Variants in STPG4 observed in about 807,000 individuals in gnomAD.
STPG4 encodes protein STPG4.
STPG4 carries 41 observed loss-of-function variants against 31.5 expected under a neutral mutation model. That is an observed-to-expected ratio of 1.30 (90% CI 1.01 to 1.69). STPG4 has a LOEUF of 1.69. Among genes scored for constraint, STPG4 ranks in the 40% most tolerant of loss-of-function variants. STPG4 has a pLI of 0.00. For synonymous variants in STPG4, 141 were observed against 103.0 expected (o/e 1.37, Z -2.24); for missense variants, 375 against 293.4 (o/e 1.28, Z -2.03).
At position 47,155,305 on chromosome 2, in the gene STPG4, G is replaced by T. The variant is rs1378898033; in HGVS notation, c.-54C>A. The T allele has an allele frequency of 1.9e-6, 3 of 1,587,222 alleles. No individual in the cohort carries two copies. The highest frequency in any genetic ancestry group is 1.3e-5 in the African/African-American group (1 of 74,376). On this transcript the variant is annotated 5_prime_UTR_variant, in exon 1 of 7. Transcript: ENST00000445927. ...CTGAGCTCCGGTTGCTAGGAGGCGG[G>T]TGTGGCCCGTGGGCTCCCGAGCGCG...
chr2:47,119,714 G>A (rs889153469), intron 5 of STPG4, among the ~76,000 whole-genome samples: 2 of 152,210 alleles, frequency 1.3e-5, no homozygotes, highest in African/African-American at 2.4e-5. Flanking sequence ...CTCACCCAGT[G>A]CAGTAAGACC....
intron 5 of STPG4, among the ~76,000 whole-genome samples, chr2:47,096,470 A>T (rs1685670517): frequency 6.6e-6 from 1 of 152,214 alleles, no homozygotes; most frequent in Non-Finnish European, 1.5e-5. Flanking sequence ...GCAAAAACAA[A>T]ATAAAAAGTG....
rs568071904 is a variant in STPG4, at chr2:47,100,124, G to T, written c.520-9750C>A. Among the ~76,000 whole-genome samples the T allele has an allele frequency of 1.6e-3, 239 of 152,248 alleles. 3 individuals are homozygous for T. Among genetic ancestry groups the T allele is most frequent in the Admixed American group, 9.3e-3 (142 of 15,304 alleles). On this transcript the variant is annotated intron_variant, in intron 5 of 6. Coordinates refer to ENST00000445927, the MANE Select transcript of STPG4 (RefSeq NM_001163561.2). ...CAAGGGCTGAGGAGTGCGGGCACAT[G>T]GTGCGGGACTGGCAGGCAGCTCCAC... is the stretch of plus-strand genomic sequence containing the variant.
chr2:47,102,001 G>A (rs1303030749), intron 5 of STPG4, among the ~76,000 whole-genome samples: 1 of 151,888 alleles, frequency 6.6e-6, no homozygotes, highest in Non-Finnish European at 1.5e-5. Context: ...GGTCTAGGAG[G>A]ACAGGCAAGG....
chr2:47,130,862 G>A (rs1321145782), intron 3 of STPG4, among the ~76,000 whole-genome samples: 2 of 151,922 alleles, frequency 1.3e-5, no homozygotes, highest in Non-Finnish European at 2.9e-5. Context: ...ATCCAGGCTG[G>A]AGAATGATAT....
intron 3 of STPG4, among the ~76,000 whole-genome samples, chr2:47,136,738 C>T (rs1573189718): frequency 6.6e-6 from 1 of 152,164 alleles, no homozygotes; most frequent in Non-Finnish European, 1.5e-5. Context: ...GAGAGAAAGG[C>T]ATGCTTTTTG....
intron 2 of STPG4, 39 bp from the exon 3 acceptor site, chr2:47,151,554 A>C (rs1340442671): frequency 6.3e-7 from 1 of 1,580,250 alleles, no homozygotes; most frequent in Admixed American, 1.7e-5. Context: ...TTGTGTAAAC[A>C]TGTAACTTCT....
intron 5 of STPG4, among the ~76,000 whole-genome samples, chr2:47,103,698 G>A: frequency 6.6e-6 from 1 of 152,092 alleles, no homozygotes; most frequent in South Asian, 2.1e-4. Context: ...GGCAATCACT[G>A]GAAGGTGCAC....
At chr2:47,154,923 A>G (rs1197360461) in intron 1 of STPG4, among the ~76,000 whole-genome samples, 1 of 152,188 alleles carries the variant, frequency 6.6e-6, no homozygotes, top group Non-Finnish European at 1.5e-5. Flanking sequence ...GGAAAAATAC[A>G]GAAAACAAAG....
chr2:47,115,173 C>T (rs1430174736), intron 5 of STPG4, among the ~76,000 whole-genome samples: 2 of 152,116 alleles, frequency 1.3e-5, no homozygotes, highest in Non-Finnish European at 2.9e-5. Flanking sequence ...TTTTCCCCAT[C>T]ATATCAGCTG....
At chr2:47,104,009 T>C (rs934386149) in intron 5 of STPG4, among the ~76,000 whole-genome samples, 12 of 152,006 alleles carry the variant, frequency 7.9e-5, no homozygotes, top group African/African-American at 2.2e-4. Flanking sequence ...ACTTTGCTCT[T>C]TTCACATGCC....
At chr2:47,102,542 G>A (rs541098938) in intron 5 of STPG4, among the ~76,000 whole-genome samples, 1 of 151,806 alleles carries the variant, frequency 6.6e-6, no homozygotes, top group Non-Finnish European at 1.5e-5. Context: ...CCTTATGTCC[G>A]AGCTTTCTTT....
intron 5 of STPG4, among the ~76,000 whole-genome samples, chr2:47,091,999 C>G (rs2103725001): frequency 6.7e-6 from 1 of 148,752 alleles, no homozygotes; most frequent in South Asian, 2.1e-4. Context: ...TCCCAAATGT[C>G]ATTAAGTCAA....
At chr2:47,106,400 T>C (rs1246142997) in intron 5 of STPG4, among the ~76,000 whole-genome samples, 1 of 151,960 alleles carries the variant, frequency 6.6e-6, no homozygotes, top group African/African-American at 2.4e-5. Flanking sequence ...CCCCTATTTA[T>C]AGGGTTAGGA....
intron 5 of STPG4, among the ~76,000 whole-genome samples, chr2:47,100,686 G>A (rs4952874): frequency 0.6 from 91,101 of 151,122 alleles, 28,765 homozygotes; most frequent in East Asian, 0.77. Flanking sequence ...CACTCACCGC[G>A]AAGGTCTGCA....
intron 3 of STPG4, among the ~76,000 whole-genome samples, chr2:47,134,252 G>C (rs1204693027): frequency 6.6e-6 from 1 of 152,112 alleles, no homozygotes; most frequent in Non-Finnish European, 1.5e-5. Flanking sequence ...CCTCACTCTT[G>C]GTGTTGTACT....
intron 5 of STPG4, among the ~76,000 whole-genome samples, chr2:47,099,892 G>A (rs1029149814): frequency 1.3e-5 from 2 of 152,166 alleles, no homozygotes; most frequent in African/African-American, 4.8e-5. Flanking sequence ...AGCTGCGGAG[G>A]GTGTACTGGG....
At chr2:47,115,975 T>C (rs1274774039) in intron 5 of STPG4, among the ~76,000 whole-genome samples, 1 of 152,174 alleles carries the variant, frequency 6.6e-6, no homozygotes, top group East Asian at 1.9e-4. Context: ...CTTACTTGCA[T>C]GGTAGAAACT....
At chr2:47,090,873 T>C (rs1271470454) in intron 5 of STPG4, among the ~76,000 whole-genome samples, 1 of 149,354 alleles carries the variant, frequency 6.7e-6, no homozygotes, top group Non-Finnish European at 1.5e-5. Context: ...GAGATAAACA[T>C]AAATAGGTGA....
Sources: allele counts gnomAD v4.1 joint callset (sites outside exome capture counted in the v4.1 genomes callset), GRCh38; gene constraint gnomAD v4.1.1; transcripts MANE v1.5; gene names NCBI Gene and HGNC (gene_info 2026-07-23, HGNC 2026-07-21).